Variants in GRIN2A observed in about 807,000 individuals in gnomAD.
GRIN2A encodes glutamate receptor ionotropic, NMDA 2A.
Under a neutral mutation model 113.4 loss-of-function variants are expected in GRIN2A, and 22 were observed. That is an observed-to-expected ratio of 0.19 (90% CI 0.14 to 0.28). The LOEUF (loss-of-function observed/expected upper bound fraction) is 0.28. Among genes scored for constraint, GRIN2A ranks in the 10% least tolerant of loss-of-function variants. The probability of loss-of-function intolerance (pLI) is 1.00; values close to 1 mark genes in which losing one functional copy is unlikely to be tolerated. For missense variants in GRIN2A, 1,502 were observed against 1,887.0 expected, an observed-to-expected ratio of 0.80 and a Z score of 3.78; for synonymous variants, 827 against 738.4, an observed-to-expected ratio of 1.12 and a Z score of -1.94.
intron 3 of GRIN2A, among the ~76,000 whole-genome samples, chr16:9,926,889 G>C (rs566348111): frequency 2.7e-5 from 4 of 150,100 alleles, no homozygotes; most frequent in African/African-American, 2.5e-5. Context: ...TTTAAACATT[G>C]GGACTTTACT....
rs58076569 is a variant in GRIN2A, at chr16:10,034,535, C to CAAAAAA, written c.415-95990_415-95985dup. The stretch of plus-strand genomic sequence containing the variant: ...AGTGAGACCCCACGTCAAAAAAAAG[C>CAAAAAA]AAAAAAAAAAAAAAAAAAAAAAAAA... On this transcript the variant is annotated intron_variant, in intron 2 of 12. Transcript: ENST00000330684. Among the ~76,000 whole-genome samples the CAAAAAA allele has an allele frequency of 1.1e-3, 40 of 36,426 alleles. 1 individual carries two copies. The highest frequency in any genetic ancestry group is 2.7e-3 in the African/African-American group (24 of 8,980). 23.9% of individuals were successfully genotyped at this position (36,426 alleles called of 152,430 possible).
intron 2 of GRIN2A, among the ~76,000 whole-genome samples, chr16:10,099,157 C>T (rs1443247988): frequency 6.6e-6 from 1 of 152,012 alleles, no homozygotes; most frequent in Non-Finnish European, 1.5e-5. Flanking sequence ...TTTTCCTTGA[C>T]CTTAAAGGCT....
intron 2 of GRIN2A, chr16:10,033,974 C>A (rs773024176): frequency 1.3e-5 from 2 of 152,244 alleles, no homozygotes; most frequent in African/African-American, 4.8e-5. Flanking sequence ...CAGAGGCACA[C>A]GGGCCCACTC....
chr16:9,959,161 T>C (rs2090823932), intron 2 of GRIN2A, among the ~76,000 whole-genome samples: 1 of 152,162 alleles, frequency 6.6e-6, no homozygotes, highest in African/African-American at 2.4e-5. Context: ...CAAGTATTCA[T>C]TTGGACCAGA....
intron 2 of GRIN2A, among the ~76,000 whole-genome samples, chr16:10,017,576 G>A (rs1240004168): frequency 6.6e-6 from 1 of 152,124 alleles, no homozygotes; most frequent in Non-Finnish European, 1.5e-5. Flanking sequence ...ACAGTTCCCA[G>A]CTATTGTGAG....
chr16:9,790,253 G>T (rs1260127400), intron 11 of GRIN2A, among the ~76,000 whole-genome samples: 3 of 152,160 alleles, frequency 2.0e-5, no homozygotes, highest in Admixed American at 6.5e-5. Flanking sequence ...ACAGAACAAA[G>T]GACCATCACT....
At chr16:9,958,806 C>G (rs182400678) in intron 2 of GRIN2A, among the ~76,000 whole-genome samples, 184 of 152,256 alleles carry the variant, frequency 1.2e-3, no homozygotes, top group Non-Finnish European at 2.0e-3. Flanking sequence ...TAAATAAACA[C>G]TAAAGCATAA....
intron 2 of GRIN2A, among the ~76,000 whole-genome samples, chr16:10,130,756 C>T (rs1458796688): frequency 1.3e-5 from 2 of 152,226 alleles, no homozygotes; most frequent in African/African-American, 2.4e-5. Context: ...TCTCCAGCCA[C>T]CCACTGTCAT....
At chr16:9,949,537 T>C (rs1228062094) in intron 2 of GRIN2A, among the ~76,000 whole-genome samples, 1 of 148,624 alleles carries the variant, frequency 6.7e-6, no homozygotes, top group Non-Finnish European at 1.5e-5. Flanking sequence ...AACAGATGGA[T>C]GGATGGTTGG....
chr16:9,979,769 A>G (rs1307865196), intron 2 of GRIN2A, among the ~76,000 whole-genome samples: 1 of 144,572 alleles, frequency 6.9e-6, no homozygotes, highest in East Asian at 2.1e-4. Context: ...CTATATACAT[A>G]TAAGGGACTA....
intron 4 of GRIN2A, among the ~76,000 whole-genome samples, chr16:9,861,790 C>T (rs181052917): frequency 6.6e-6 from 1 of 152,326 alleles, no homozygotes; most frequent in East Asian, 1.9e-4. Context: ...AGGTGTGGGT[C>T]AAACCTGCTC....
At chr16:10,099,137 C>G (rs1381346955) in intron 2 of GRIN2A, among the ~76,000 whole-genome samples, 1 of 152,120 alleles carries the variant, frequency 6.6e-6, no homozygotes, top group African/African-American at 2.4e-5. Context: ...GTGCATCTGA[C>G]CTATGATTTT....
In GRIN2A at chr16:9,762,441, G is replaced by C. The variant is rs1900626306; in HGVS notation, c.*708C>G. 4.5e-6 allele frequency: 1 copy of C among 223,270 alleles called. No individual in the cohort carries two copies. The highest frequency in any genetic ancestry group is 2.2e-5 in the African/African-American group (1 of 44,732). 13.8% of individuals were successfully genotyped at this position (223,270 alleles called of 1,614,324 possible). A position where few individuals can be genotyped will look rare whatever the true frequency, so the allele number is the denominator to read the frequency against. The stretch of plus-strand genomic sequence containing the variant: ...CACATCAACATCCAAAGAGATTCCT[G>C]TAGCTCTCCCCACCTGAGGGTCCCT... On this transcript the variant is annotated 3_prime_UTR_variant, in exon 13 of 13. Coordinates refer to ENST00000330684, the MANE Select transcript of GRIN2A (RefSeq NM_001134407.3).
At position 9,836,998 on chromosome 16, in the gene GRIN2A, A is replaced by T. The variant is rs571432359; in HGVS notation, c.1652-2768T>A. 2.6e-5 allele frequency among the ~76,000 whole-genome samples: 4 copies of T among 152,336 alleles called. 1 individual carries two copies. The South Asian group carries it at 8.3e-4, about 32-fold the overall frequency. On this transcript the variant is annotated intron_variant, in intron 7 of 12. Transcript: ENST00000330684. The stretch of plus-strand genomic sequence containing the variant: ...AGAGCCACTGGTTACATTTTTACAC[A>T]AAAGCTTAGAGGCATTACCTGCAAG...
chr16:9,921,499 C>T (rs2044358291), intron 3 of GRIN2A, among the ~76,000 whole-genome samples: 1 of 152,160 alleles, frequency 6.6e-6, no homozygotes, highest in Non-Finnish European at 1.5e-5. Context: ...ATTCTTCTCT[C>T]TGAAATCTTT....
chr16:10,169,456 C>A (rs2049994032), intron 2 of GRIN2A, among the ~76,000 whole-genome samples: 1 of 152,194 alleles, frequency 6.6e-6, no homozygotes, highest in Admixed American at 6.5e-5. Flanking sequence ...TGACCCAGTT[C>A]TGGCCACTGA....
At position 10,180,214 on chromosome 16, in the gene GRIN2A, G is replaced by T; in HGVS notation, c.198C>A (p.Asp66Glu). 6.2e-7 allele frequency: 1 copy of T among 1,614,114 alleles called. No homozygotes were observed. Among genetic ancestry groups the T allele is most frequent in the Non-Finnish European group, 8.5e-7 (1 of 1,180,032 alleles). ...TCATCAGCAGAGCTACCACGTTCAC[G>T]TCCAGGGGCAGCCCCGCCGCCTGCT... Reference protein sequence around the residue: ...GPEQAAGLPLDVNVVALLMNR... With the variant: ...GPEQAAGLPLEVNVVALLMNR... Residue 66 changes from aspartate (D) to glutamate (E), a missense_variant, in exon 2 of 13, where the codon GAC (aspartate) becomes GAA (glutamate). This residue lies in a region of GRIN2A where 149 missense variants were observed against 179.1 expected (regional missense o/e 0.83). Transcript: ENST00000330684. The surrounding 1 kb of genome is among the most constrained non-coding windows in gnomAD (Gnocchi z 7.0).
chr16:10,067,344 G>T (rs762157102), intron 2 of GRIN2A, among the ~76,000 whole-genome samples: 5 of 152,090 alleles, frequency 3.3e-5, no homozygotes, highest in Non-Finnish European at 7.4e-5. Context: ...AGCCACAAAA[G>T]TCTGTTTTGA....
chr16:10,034,767 C>T (rs1356962790), intron 2 of GRIN2A, among the ~76,000 whole-genome samples: 1 of 151,972 alleles, frequency 6.6e-6, no homozygotes, highest in African/African-American at 2.4e-5. Flanking sequence ...ATTGGTGTGA[C>T]CCCTCCACTC....
Sources: gnomAD v4.1 joint callset for allele counts (sites outside exome capture counted in the v4.1 genomes callset) on GRCh38, gnomAD v4.1.1 for gene constraint, gnomAD v4.1.1 regional missense constraint, Gnocchi (gnomAD v3.1) non-coding constraint, MANE v1.5 for transcripts, NCBI Gene and HGNC (gene_info 2026-07-23, HGNC 2026-07-21) for gene names.